The following MAGI2 variants were observed in gnomAD, a reference collection of about 807,000 sequenced individuals.
The protein encoded by MAGI2 is membrane-associated guanylate kinase, WW and PDZ domain-containing protein 2.
In MAGI2, 35 loss-of-function variants were observed where a neutral mutation model predicts 133.3. The ratio of observed to expected loss-of-function variants is 0.26; its 90% CI spans 0.20 to 0.35. MAGI2 has a LOEUF of 0.35. MAGI2 is among the 10% of genes least tolerant of loss of function. MAGI2 has a pLI of 1.00. For synonymous variants in MAGI2, 729 were observed against 710.6 expected (o/e 1.03, Z -0.41); for missense variants, 1,636 against 1,863.4 (o/e 0.88, Z 2.25).
At chr7:78,662,238 G>A (rs1813040447) in intron 2 of MAGI2, among the ~76,000 whole-genome samples, 2 of 152,166 alleles carry the variant, frequency 1.3e-5, no homozygotes, top group African/African-American at 2.4e-5. Context: ...CATGGTGACA[G>A]GGCAAGATAT....
At chr7:78,973,705 T>A (rs1025733580) in intron 2 of MAGI2, among the ~76,000 whole-genome samples, 1 of 151,790 alleles carries the variant, frequency 6.6e-6, no homozygotes, top group Non-Finnish European at 1.5e-5. Flanking sequence ...GCACCAGAAA[T>A]AATGGCATAA....
chr7:78,888,433 C>T (rs2151561877), intron 2 of MAGI2, among the ~76,000 whole-genome samples: 1 of 152,352 alleles, frequency 6.6e-6, no homozygotes, highest in East Asian at 1.9e-4. Context: ...ACTGCCTCCT[C>T]AAGTGGGTCC....
At chr7:79,328,943 C>A (rs1292231625) in intron 1 of MAGI2, among the ~76,000 whole-genome samples, 1 of 152,140 alleles carries the variant, frequency 6.6e-6, no homozygotes, top group Non-Finnish European at 1.5e-5. Context: ...ATCTTTAGCA[C>A]CAATTAGGAA....
At chr7:79,406,914 G>C (rs547071648) in intron 1 of MAGI2, among the ~76,000 whole-genome samples, 3 of 152,076 alleles carry the variant, frequency 2.0e-5, no homozygotes, top group African/African-American at 7.2e-5. Context: ...AGGATTTATG[G>C]GATAAAAAAG....
chr7:79,334,642 T>C (rs1051230472), intron 1 of MAGI2, among the ~76,000 whole-genome samples: 1 of 152,268 alleles, frequency 6.6e-6, no homozygotes, highest in Non-Finnish European at 1.5e-5. Context: ...CTTTTAGAAA[T>C]AGTAATGTTG....
intron 2 of MAGI2, among the ~76,000 whole-genome samples, chr7:78,648,256 C>T (rs1477128360): frequency 6.6e-6 from 1 of 152,096 alleles, no homozygotes; most frequent in Non-Finnish European, 1.5e-5. Context: ...TCCCAACATA[C>T]ACATAGAAGG....
At chr7:78,400,988 T>C (rs1796803965) in intron 6 of MAGI2, among the ~76,000 whole-genome samples, 1 of 152,118 alleles carries the variant, frequency 6.6e-6, no homozygotes, top group Non-Finnish European at 1.5e-5. Context: ...CCTTTCTCTG[T>C]GTATTTACCT....
Position 78,195,056 on chromosome 7 carries a change from T to C in MAGI2, c.2087A>G (p.Asp696Gly). 2 of 1,601,954 alleles carry C rather than the reference T, an allele frequency of 1.2e-6. No individual in the cohort carries two copies. The highest frequency in any genetic ancestry group is 1.1e-5 in the South Asian group (1 of 88,784). ...AGGACTGCCTTGATTCTCCCATCGG[T>C]CCATTATCTGAAAAGTGACAGAGGA... ...SPWKTPKPIM[D>G]RWENQGSPQT... Residue 696 changes from aspartate (D) to glycine (G), a missense_variant, in exon 12 of 22, where the codon GAC becomes GGC. Around this residue, in one of 5 missense-constraint regions of MAGI2, gnomAD observed 920 missense variants for 1,093.5 expected, o/e 0.84. Coordinates refer to ENST00000354212, the MANE Select transcript of MAGI2 (RefSeq NM_012301.4).
At chr7:78,293,287 C>T (rs1796907661) in intron 9 of MAGI2, among the ~76,000 whole-genome samples, 1 of 152,178 alleles carries the variant, frequency 6.6e-6, no homozygotes, top group South Asian at 2.1e-4. Context: ...TGTGAACAGA[C>T]ACTTCTCAAA....
chr7:79,064,179 T>C (rs1814074047), intron 1 of MAGI2, among the ~76,000 whole-genome samples: 1 of 151,968 alleles, frequency 6.6e-6, no homozygotes, highest in Non-Finnish European at 1.5e-5. Flanking sequence ...AGCTATTCCA[T>C]CTCACTATAG....
intron 1 of MAGI2, among the ~76,000 whole-genome samples, chr7:79,366,654 T>C (rs899760627): frequency 1.3e-5 from 2 of 152,204 alleles, no homozygotes; most frequent in Admixed American, 6.5e-5. Flanking sequence ...CAAAATGTTA[T>C]TATTGAAGGA....
intron 1 of MAGI2, among the ~76,000 whole-genome samples, chr7:79,170,786 G>A (rs1322485431): frequency 1.3e-5 from 2 of 152,028 alleles, no homozygotes; most frequent in Non-Finnish European, 1.5e-5. Context: ...GGGATAAGGG[G>A]TTTGTCAGGA....
chr7:78,607,628 A>G (rs1397620771), intron 3 of MAGI2, among the ~76,000 whole-genome samples: 1 of 152,102 alleles, frequency 6.6e-6, no homozygotes, highest in Non-Finnish European at 1.5e-5. Context: ...AGCTGCTCAA[A>G]TTTCCTTGAT....
intron 3 of MAGI2, among the ~76,000 whole-genome samples, chr7:78,527,449 T>C (rs1374879287): frequency 2.6e-5 from 4 of 152,198 alleles, no homozygotes; most frequent in East Asian, 1.9e-4. Context: ...ATTGATTTAG[T>C]GGTGAGGCTA....
At chr7:78,905,944 C>T (rs1797965726) in intron 2 of MAGI2, among the ~76,000 whole-genome samples, 1 of 152,084 alleles carries the variant, frequency 6.6e-6, no homozygotes, top group Non-Finnish European at 1.5e-5. Context: ...CACATTCAAA[C>T]TTTCAACACC....
rs1809124724 is a variant in MAGI2 at position 78,027,952 on chromosome 7, GA to G, written c.3707-7977del. ...TAGACAATACTGGTGTGGTTTTATT[GA>G]AATCTATTTTCTTTTAATTTAGAAT... is the stretch of plus-strand genomic sequence containing the variant. On this transcript the variant is annotated intron_variant, in intron 21 of 21. Coordinates refer to ENST00000354212, the MANE Select transcript of MAGI2 (RefSeq NM_012301.4). 2.6e-5 allele frequency among the ~76,000 whole-genome samples: 4 copies of G among 152,294 alleles called. No homozygotes were observed. In the South Asian group the frequency reaches 8.3e-4, roughly 32 times the overall value.
chr7:78,973,816 A>C (rs1584545384), intron 2 of MAGI2, among the ~76,000 whole-genome samples: 2 of 151,738 alleles, frequency 1.3e-5, no homozygotes, highest in Non-Finnish European at 2.9e-5. Flanking sequence ...GGCATTTCTC[A>C]ATTTTACCCC....
chr7:79,402,041 G>C (rs965988063), intron 1 of MAGI2, among the ~76,000 whole-genome samples: 1 of 152,068 alleles, frequency 6.6e-6, no homozygotes, highest in Non-Finnish European at 1.5e-5. Flanking sequence ...CATTAGACAT[G>C]GCTGTGTCAA....
intron 1 of MAGI2, among the ~76,000 whole-genome samples, chr7:79,234,444 G>C (rs1273474486): frequency 6.6e-6 from 1 of 151,812 alleles, no homozygotes; most frequent in Non-Finnish European, 1.5e-5. Context: ...ATCAGACGTA[G>C]ATTTGGTCTT....
Sources: gnomAD v4.1 joint callset for allele counts (sites outside exome capture counted in the v4.1 genomes callset) on GRCh38, gnomAD v4.1.1 for gene constraint, gnomAD v4.1.1 regional missense constraint, MANE v1.5 for transcripts, NCBI Gene and HGNC (gene_info 2026-07-23, HGNC 2026-07-21) for gene names.